The following CORIN variants were observed in gnomAD, a reference collection of about 807,000 sequenced individuals.
CORIN encodes corin, serine peptidase.
In CORIN, 117 loss-of-function variants were observed where a neutral mutation model predicts 125.3. The ratio of observed to expected loss-of-function variants is 0.93; its 90% CI spans 0.80 to 1.09. The LOEUF is 1.09. Among genes scored for constraint, CORIN ranks in the 50% least tolerant of loss-of-function variants. CORIN has a pLI of 0.00. For missense variants in CORIN, 1,253 were observed against 1,306.7 expected (o/e 0.96, Z 0.63); for synonymous variants, 450 against 466.4 (o/e 0.96, Z 0.45).
chr4:47,812,090 T>C (rs1040748606), intron 1 of CORIN, among the ~76,000 whole-genome samples: 2 of 152,238 alleles, frequency 1.3e-5, no homozygotes, highest in African/African-American at 4.8e-5. Context: ...AAATATGATA[T>C]AATTGTACAG....
chr4:47,776,839 A>C (rs930006695), intron 3 of CORIN, among the ~76,000 whole-genome samples: 2 of 152,224 alleles, frequency 1.3e-5, no homozygotes, highest in South Asian at 4.1e-4. Context: ...TTTTAAAATG[A>C]AGCAGTTTAA....
intron 1 of CORIN, among the ~76,000 whole-genome samples, chr4:47,812,024 A>G (rs1392912427): frequency 6.6e-6 from 1 of 152,244 alleles, no homozygotes; most frequent in Non-Finnish European, 1.5e-5. Flanking sequence ...ATCAAACTAA[A>G]ATATAAATTC....
chr4:47,596,491 A>G (rs1159568601), intron 21 of CORIN, among the ~76,000 whole-genome samples: 1 of 152,206 alleles, frequency 6.6e-6, no homozygotes, highest in Non-Finnish European at 1.5e-5. Context: ...TGAATCATTA[A>G]TAGCCTGTAT....
chr4:47,595,882 C>G lies in CORIN; in HGVS notation c.2968G>C (p.Val990Leu). The G allele has an allele frequency of 6.2e-7, 1 of 1,610,618 alleles. No individual in the cohort carries two copies. Among genetic ancestry groups the G allele is most frequent in the Non-Finnish European group, 8.5e-7 (1 of 1,179,002 alleles). The change falls in exon 22 of 22, where the codon GTT (valine) becomes CTT (leucine). Residue 990 changes from valine to leucine, a missense_variant. Physicochemically the swap from Val to Leu is conservative, Grantham distance 32 (BLOSUM62 1). Coordinates refer to ENST00000273857, the MANE Select transcript of CORIN (RefSeq NM_006587.4). ...SCMGDSGGPL[V>L]CEKPGGRWTL... ...CACCGTCCTCCAGGCTTCTCACAAA[C>G]AAGAGGCCCACCGCTGTCACCCTGC...
intron 19 of CORIN, 116 bp downstream of exon 19, chr4:47,623,455 A>G: frequency 9.3e-7 from 1 of 1,071,176 alleles, no homozygotes; most frequent in South Asian, 1.6e-5. Flanking sequence ...TGGGAAGTAG[A>G]TTAGCTGTGG....
At chr4:47,605,916 CTTGGTTTTTAGTA>C (rs1408879994) in intron 19 of CORIN, among the ~76,000 whole-genome samples, 5 of 152,146 alleles carry the variant, frequency 3.3e-5, no homozygotes, top group Admixed American at 3.3e-4. Context: ...TAGGCACTCA[CTTGGTTTTTAGTA>C]TTGTTGGATA....
rs372912425 is a variant in CORIN at position 47,597,932 on chromosome 4, A to T, written c.2947-2029T>A. On this transcript the variant is annotated intron_variant, in intron 21 of 21. Transcript: ENST00000273857. The stretch of plus-strand genomic sequence containing the variant: ...GCAAAATCTAATGGCTAGAAAGAGG[A>T]GGTCAAAGGAATGAGTGATGACTTC... 5.3e-4 allele frequency among the ~76,000 whole-genome samples: 80 copies of T among 152,282 alleles called. 1 individual carries two copies. The South Asian group carries it at 0.017, about 32-fold the overall frequency.
chr4:47,813,706 C>A (rs887287837), intron 1 of CORIN, among the ~76,000 whole-genome samples: 38 of 152,206 alleles, frequency 2.5e-4, no homozygotes, highest in Admixed American at 2.4e-3. Context: ...ATTATTCTTA[C>A]CAAAATTAAA....
chr4:47,709,895 G>A (rs1010499801), intron 5 of CORIN, among the ~76,000 whole-genome samples: 2 of 152,100 alleles, frequency 1.3e-5, no homozygotes, highest in South Asian at 2.1e-4. Flanking sequence ...GAGCTGTTAA[G>A]AATATTTTAG....
At chr4:47,657,146 G>A in intron 12 of CORIN, among the ~76,000 whole-genome samples, 1 of 152,070 alleles carries the variant, frequency 6.6e-6, no homozygotes, top group East Asian at 1.9e-4. Flanking sequence ...TATAAAGAAT[G>A]GAAAGATAAT....
chr4:47,682,312 C>T (rs1334896045), intron 7 of CORIN: 1 of 151,956 alleles, frequency 6.6e-6, no homozygotes, highest in East Asian at 1.9e-4. Context: ...CGTGGTGGCA[C>T]ACACCTGTAG....
At chr4:47,654,161 G>C (rs546620927) in intron 12 of CORIN, among the ~76,000 whole-genome samples, 1 of 152,256 alleles carries the variant, frequency 6.6e-6, no homozygotes, top group Non-Finnish European at 1.5e-5. Flanking sequence ...TACATAATGG[G>C]CTCTGTGAGT....
chr4:47,775,900 G>T (rs189891731), intron 3 of CORIN, among the ~76,000 whole-genome samples: 1 of 152,250 alleles, frequency 6.6e-6, no homozygotes, highest in Admixed American at 6.5e-5. Flanking sequence ...TTTGTTTTTT[G>T]GGGTTTTTTT....
At chr4:47,831,108 T>G (rs1315026322) in intron 1 of CORIN, among the ~76,000 whole-genome samples, 1 of 152,204 alleles carries the variant, frequency 6.6e-6, no homozygotes, top group Non-Finnish European at 1.5e-5. Context: ...CTTACAGAGT[T>G]TCAGCACTGA....
intron 5 of CORIN, among the ~76,000 whole-genome samples, chr4:47,738,971 G>A (rs569929515): frequency 6.6e-6 from 1 of 151,768 alleles, no homozygotes; most frequent in Non-Finnish European, 1.5e-5. Flanking sequence ...TCAGGCAGAA[G>A]AGAAAATCCG....
At chr4:47,687,491 A>C (rs542997784) in intron 6 of CORIN, among the ~76,000 whole-genome samples, 2 of 152,288 alleles carry the variant, frequency 1.3e-5, no homozygotes, top group African/African-American at 4.8e-5. Flanking sequence ...GCTTGATACA[A>C]AATGTTTCTT....
chr4:47,715,884 C>A (rs761541518), intron 5 of CORIN, among the ~76,000 whole-genome samples: 3 of 152,126 alleles, frequency 2.0e-5, no homozygotes, highest in African/African-American at 7.2e-5. Context: ...CATATTGGAA[C>A]GGGTTGGCAA....
In CORIN at chr4:47,812,330, C is replaced by T. The variant is rs143644597; in HGVS notation, c.64-5283G>A. ...CTGGACAATATAGTGAGACCTCATT[C>T]TCTACAAAAAGAAAAAAAATTAATG... On this transcript the variant is annotated intron_variant, in intron 1 of 21. Coordinates refer to ENST00000273857, the MANE Select transcript of CORIN (RefSeq NM_006587.4). Among the ~76,000 whole-genome samples, 821 of 152,062 alleles carry T rather than the reference C, an allele frequency of 5.4e-3. 2 individuals carry two copies. Among genetic ancestry groups the T allele is most frequent in the Non-Finnish European group, 9.2e-3 (623 of 67,976 alleles).
intron 5 of CORIN, among the ~76,000 whole-genome samples, chr4:47,702,045 T>A (rs1460863316): frequency 6.6e-6 from 1 of 152,230 alleles, no homozygotes; most frequent in African/African-American, 2.4e-5. Context: ...AATTCAAAGA[T>A]AATTTCTCAT....
Sources: allele counts gnomAD v4.1 joint callset (sites outside exome capture counted in the v4.1 genomes callset), GRCh38; gene constraint gnomAD v4.1.1; transcripts MANE v1.5; gene names NCBI Gene and HGNC (gene_info 2026-07-23, HGNC 2026-07-21).